The following CACNA1S variants were observed in gnomAD, a reference collection of about 807,000 sequenced individuals.
The protein encoded by CACNA1S is voltage-dependent L-type calcium channel subunit alpha-1S.
CACNA1S carries 126 observed loss-of-function variants against 207.4 expected under a neutral mutation model. The ratio of observed to expected loss-of-function variants is 0.61; its 90% CI spans 0.53 to 0.70. The LOEUF is 0.70. Ranked by LOEUF, CACNA1S falls within the 30% of genes least tolerant of loss-of-function variation. The pLI, the probability that CACNA1S is intolerant of heterozygous loss-of-function variation, is 0.00. For synonymous variants in CACNA1S, 960 were observed against 932.7 expected (o/e 1.03, Z -0.53); for missense variants, 2,349 against 2,422.8 (o/e 0.97, Z 0.64).
intron 1 of CACNA1S, among the ~76,000 whole-genome samples, chr1:201,111,031 G>T (rs1663081366): frequency 6.6e-6 from 1 of 152,210 alleles, no homozygotes; most frequent in African/African-American, 2.4e-5. Context: ...GTAACCTCCA[G>T]TGTTTGAGAA....
At chr1:201,093,322 A>G (rs1461476725) in intron 3 of CACNA1S, among the ~76,000 whole-genome samples, 2 of 152,240 alleles carry the variant, frequency 1.3e-5, no homozygotes, top group Non-Finnish European at 2.9e-5. Context: ...AAGGATGCAC[A>G]GGCACAGAGG....
rs12139527 is a variant in CACNA1S, at chr1:201,040,054, A to G, written c.5399T>C (p.Leu1800Ser). 236,253 of 1,614,082 alleles carry G rather than the reference A, an allele frequency of 0.15. 24,387 individuals are homozygous for G. The highest frequency in any genetic ancestry group is 0.55 in the African/African-American group (41,229 of 74,980). Residue 1800 changes from leucine to serine, a missense_variant, in exon 44 of 44, where the codon TTG (leucine) becomes TCG (serine). Leu to Ser is a moderately radical substitution (Grantham distance 145, BLOSUM62 -2). Coordinates refer to ENST00000362061, the MANE Select transcript of CACNA1S (RefSeq NM_000069.3). ...CATGATGAAGTTTGCATCAGCTGCC[A>G]AGGTGCCCAGGCCCCCTCGAACCAG... The part of the protein sequence containing the change: ...KALVRGGLGT[L>S]AADANFIMAT...
At chr1:201,109,326 G>A (rs1345577454) in intron 2 of CACNA1S, among the ~76,000 whole-genome samples, 1 of 152,062 alleles carries the variant, frequency 6.6e-6, no homozygotes, top group African/African-American at 2.4e-5. Flanking sequence ...GGGTGACCCT[G>A]GGTAATGTGC....
At chr1:201,107,873 T>C (rs1428781599) in intron 2 of CACNA1S, among the ~76,000 whole-genome samples, 1 of 152,204 alleles carries the variant, frequency 6.6e-6, no homozygotes, top group Non-Finnish European at 1.5e-5. Flanking sequence ...TGAGCATTCA[T>C]TTCCCATAGA....
At chr1:201,107,931 T>C (rs1253234478) in intron 2 of CACNA1S, among the ~76,000 whole-genome samples, 1 of 152,160 alleles carries the variant, frequency 6.6e-6, no homozygotes, top group Non-Finnish European at 1.5e-5. Context: ...CATTTCTGAT[T>C]AGGTTTCCGA....
intron 28 of CACNA1S, among the ~76,000 whole-genome samples, chr1:201,055,894 A>C (rs1176470563): frequency 6.6e-6 from 1 of 152,172 alleles, no homozygotes; most frequent in East Asian, 1.9e-4. Flanking sequence ...AGATTTTAAG[A>C]AGTAACTATT....
chr1:201,111,804 C>T (rs552365443), intron 1 of CACNA1S, among the ~76,000 whole-genome samples: 11 of 152,260 alleles, frequency 7.2e-5, no homozygotes, highest in African/African-American at 2.6e-4. Flanking sequence ...GGGAACAGTC[C>T]CCATGAAACA....
At chr1:201,076,309 A>T (rs2102141376) in intron 12 of CACNA1S, among the ~76,000 whole-genome samples, 1 of 152,358 alleles carries the variant, frequency 6.6e-6, no homozygotes, top group East Asian at 1.9e-4. Context: ...GAGAGGATCG[A>T]CGGACGATCA....
chr1:201,064,108 AG>A (rs1661157254), intron 22 of CACNA1S, among the ~76,000 whole-genome samples: 1 of 152,170 alleles, frequency 6.6e-6, no homozygotes, highest in South Asian at 2.1e-4. Context: ...TGGAAGCCAA[AG>A]GGAGGGCAGC....
At chr1:201,056,070 G>GACAGACACACACACAC (rs528783002) in intron 28 of CACNA1S, among the ~76,000 whole-genome samples, 11 of 94,918 alleles carry the variant, frequency 1.2e-4, no homozygotes, top group African/African-American at 2.2e-4. Context: ...CAGACAGACA[G>GACAGACACACACACAC]ACACACACAC....
intron 10 of CACNA1S, among the ~76,000 whole-genome samples, chr1:201,080,987 A>C (rs1661820840): frequency 6.6e-6 from 1 of 152,194 alleles, no homozygotes; most frequent in South Asian, 2.1e-4. Context: ...AGGCACTGAT[A>C]GGATTTTGAT....
rs1296089256 is a variant in CACNA1S, at chr1:201,060,731, A to G, written c.3341T>C (p.Ile1114Thr). ...GTATTCAAAGTAGGAGGAGGTGACA[A>G]TGTACCACACCTGGTACTGGTATGG... is the stretch of plus-strand genomic sequence containing the variant. Reference protein sequence around the residue: ...KNPYQYQVWYIVTSSYFEYLM... With the variant: ...KNPYQYQVWYTVTSSYFEYLM... Residue 1114 changes from isoleucine to threonine, a missense_variant, in exon 26 of 44, where the codon ATT becomes ACT. Physicochemically the swap from Ile to Thr is moderately conservative, Grantham distance 89. Transcript: ENST00000362061. The G allele has an allele frequency of 1.9e-6, 3 of 1,614,158 alleles. No homozygotes were observed. Among genetic ancestry groups the G allele is most frequent in the South Asian group, 1.1e-5 (1 of 91,080 alleles).
At chr1:201,112,080 G>T (rs1663135476) in intron 1 of CACNA1S, 108 bp downstream of exon 1, 2 of 1,103,852 alleles carry the variant, frequency 1.8e-6, no homozygotes, top group Non-Finnish European at 2.6e-6. Context: ...CCATGTCTAA[G>T]TGCCAGGCCT....
intron 36 of CACNA1S, 84 bp downstream of exon 36, chr1:201,048,498 T>A: frequency 8.4e-7 from 1 of 1,185,630 alleles, no homozygotes; most frequent in South Asian, 1.2e-5. Flanking sequence ...AAGAGCAATC[T>A]TGAGCTCTGA....
intron 32 of CACNA1S, among the ~76,000 whole-genome samples, 179 bp from the exon 33 acceptor site, chr1:201,051,322 C>G (rs903627824): frequency 3.9e-5 from 6 of 152,124 alleles, no homozygotes; most frequent in Non-Finnish European, 8.8e-5. Flanking sequence ...CTCAGTTTCC[C>G]CTCTGTGCTG....
intron 2 of CACNA1S, among the ~76,000 whole-genome samples, chr1:201,095,089 A>G (rs1662369911): frequency 6.6e-6 from 1 of 151,622 alleles, no homozygotes. Context: ...CCTGCAGTCT[A>G]GGCCAGCCTG....
At position 201,069,612 on chromosome 1, in the gene CACNA1S, G is replaced by A. The variant is rs376279583; in HGVS notation, c.2361-11C>T. 516 of 1,551,458 alleles carry A rather than the reference G, an allele frequency of 3.3e-4. 2 individuals are homozygous for A. Among genetic ancestry groups the A allele is most frequent in the Admixed American group, 1.2e-3 (59 of 50,952 alleles). On this transcript the variant is annotated splice_polypyrimidine_tract_variant and intron_variant, in intron 17 of 43. Transcript: ENST00000362061. ...CACAGGACACGGATCCTGGTGGGGC[G>A]AGGTAGGGAGGGCAGGGGAGCTGTG...
chr1:201,093,793 C>A (rs1334083419), intron 3 of CACNA1S, 89 bp downstream of exon 3: 28 of 1,507,992 alleles, frequency 1.9e-5, no homozygotes, highest in Non-Finnish European at 1.2e-5. Flanking sequence ...GGAGTCCCAC[C>A]CCACCTCTAA....
chr1:201,065,316 G>A (rs537407283), intron 22 of CACNA1S, among the ~76,000 whole-genome samples: 5 of 152,152 alleles, frequency 3.3e-5, no homozygotes, highest in Non-Finnish European at 7.4e-5. Context: ...TTTCATTTTA[G>A]CTTATTAGAT....
Sources: allele counts gnomAD v4.1 joint callset (sites outside exome capture counted in the v4.1 genomes callset), GRCh38; gene constraint gnomAD v4.1.1; transcripts MANE v1.5; gene names NCBI Gene and HGNC (gene_info 2026-07-23, HGNC 2026-07-21).